KATNIP: variants seen among roughly 807,000 people sequenced by gnomAD.
KATNIP encodes the protein katanin-interacting protein.
A neutral mutation model predicts 174.0 loss-of-function variants in KATNIP; 126 were observed. That is an observed-to-expected ratio of 0.72 (90% CI 0.63 to 0.84). The LOEUF is 0.84. KATNIP is among the 40% of genes least tolerant of loss of function. The pLI, the probability that KATNIP is intolerant of heterozygous loss-of-function variation, is 0.00. For missense variants in KATNIP, 1,958 were observed against 2,109.7 expected (o/e 0.93, Z 1.41); for synonymous variants, 810 against 835.7 (o/e 0.97, Z 0.53).
intron 14 of KATNIP, among the ~76,000 whole-genome samples, chr16:27,733,564 GACACACACACACACACACACAC>G (rs10558929): frequency 7.0e-6 from 1 of 143,280 alleles, no homozygotes; most frequent in Non-Finnish European, 1.5e-5. Context: ...AAACAAGAAG[GACACACACACACACACACACAC>G]ACACACACAC....
intron 5 of KATNIP, among the ~76,000 whole-genome samples, chr16:27,643,892 TACCACC>T (rs551794784): frequency 6.6e-6 from 1 of 151,920 alleles, no homozygotes; most frequent in Non-Finnish European, 1.5e-5. Flanking sequence ...ATGCCCTAAT[TACCACC>T]ACCACCACCA....
In KATNIP at chr16:27,774,955, C is replaced by T; in HGVS notation, c.4320C>T (p.Ala1440=). 1 of 1,613,944 alleles carries T rather than the reference C, an allele frequency of 6.2e-7. No homozygotes were observed. The highest frequency in any genetic ancestry group is 8.5e-7 in the Non-Finnish European group (1 of 1,179,934). The change falls in exon 24 of 28, where the codon GCC becomes GCT. Residue 1440 remains alanine, a synonymous_variant. Transcript: ENST00000261588. The part of the protein sequence containing the change: ...KIPLSENNIA[A]FPDSVNSLEG... ...TAGACGTCTCCTCAGATATTGCGGC[C>T]TTCCCCGACAGCGTGAACTCCCTGG...
At chr16:27,650,301 G>A (rs2077082128) in intron 6 of KATNIP, among the ~76,000 whole-genome samples, 2 of 152,212 alleles carry the variant, frequency 1.3e-5, no homozygotes, top group Non-Finnish European at 1.5e-5. Context: ...GTGAACAAGG[G>A]GGATAAAGAA....
intron 16 of KATNIP, 80 bp from the exon 17 acceptor site, chr16:27,751,639 G>C (rs775902910): frequency 1.2e-4 from 159 of 1,325,348 alleles, no homozygotes; most frequent in Non-Finnish European, 1.7e-4. Context: ...GCACAGAAGT[G>C]GATGGGTTTA....
chr16:27,746,329 A>G (rs1267748172), intron 15 of KATNIP, among the ~76,000 whole-genome samples: 3 of 152,342 alleles, frequency 2.0e-5, no homozygotes, highest in Non-Finnish European at 2.9e-5. Context: ...ATCAAATCAC[A>G]TAAACTGAAG....
Position 27,766,484 on chromosome 16 carries a change from G to A in KATNIP, c.3975+10G>A. 6.2e-7 allele frequency: 1 copy of A among 1,608,708 alleles called. No homozygotes were observed. Among genetic ancestry groups the A allele is most frequent in the Non-Finnish European group, 8.5e-7 (1 of 1,179,198 alleles). ...GGACACCTATCGCGGGGTAAGCTGGGGAGCAGTGGCCGTGCTCAGTCCAGC... is the reference window on the plus strand; with the variant it reads ...GGACACCTATCGCGGGGTAAGCTGGAGAGCAGTGGCCGTGCTCAGTCCAGC... On this transcript the variant is annotated intron_variant, in intron 20 of 27. Transcript: ENST00000261588.
At chr16:27,593,612 G>T (rs2075250494) in intron 2 of KATNIP, among the ~76,000 whole-genome samples, 1 of 151,884 alleles carries the variant, frequency 6.6e-6, no homozygotes, top group Non-Finnish European at 1.5e-5. Context: ...ACTCACTGCA[G>T]CCTCGACCTC....
intron 12 of KATNIP, among the ~76,000 whole-genome samples, chr16:27,707,087 C>T (rs979858367): frequency 1.3e-5 from 2 of 152,182 alleles, no homozygotes; most frequent in Admixed American, 6.5e-5. Flanking sequence ...GCGTTCCCAC[C>T]GTGTGGCAAT....
At chr16:27,689,992 C>T (rs1567303441) in intron 8 of KATNIP, among the ~76,000 whole-genome samples, 3 of 152,080 alleles carry the variant, frequency 2.0e-5, no homozygotes, top group Non-Finnish European at 1.5e-5. Context: ...TTGCTAATGT[C>T]CTGTTAGCCA....
Position 27,776,834 on chromosome 16 carries a change from A to T in KATNIP, c.4450-94A>T. The T allele has an allele frequency of 1.2e-6, 1 of 858,266 alleles. No individual in the cohort carries two copies. Among genetic ancestry groups the T allele is most frequent in the Non-Finnish European group, 1.9e-6 (1 of 514,338 alleles). The allele number at this position is 858,266 out of a possible 1,614,324, so 53.2% of individuals were successfully genotyped here. ...CGTGGCAGGCGCTGCCTTGGGCACC[A>T]CCGCTCACCCCAGCCCACGCCTGGC... On this transcript the variant is annotated intron_variant, in intron 24 of 27. Transcript: ENST00000261588. The surrounding 1 kb of genome is among the most constrained non-coding windows in gnomAD (Gnocchi z 4.7).
Position 27,552,781 on chromosome 16 carries a change from G to A in KATNIP, c.7+2604G>A, listed in dbSNP as rs373209918. ...CTGATCTCGGCTCACCGCAACCTCC[G>A]CCTCCCGGGTTCAAGCGATTCTCCT... is the stretch of plus-strand genomic sequence containing the variant. On this transcript the variant is annotated intron_variant, in intron 1 of 27. Transcript: ENST00000261588. Among the ~76,000 whole-genome samples the A allele has an allele frequency of 1.4e-4, 20 of 139,250 alleles. No individual in the cohort carries two copies. In the East Asian group the frequency reaches 1.6e-3, roughly 11 times the overall value. The allele number at this position is 139,250 out of a possible 152,430, so 91.4% of individuals were successfully genotyped here.
At chr16:27,690,359 TAGATGATAGATA>T (rs1567304033) in intron 8 of KATNIP, among the ~76,000 whole-genome samples, 3 of 106,868 alleles carry the variant, frequency 2.8e-5, no homozygotes, top group Non-Finnish European at 6.3e-5. Flanking sequence ...GATAGATAGA[TAGATGATAGATA>T]GATAGATAGA....
chr16:27,620,111 G>C (rs1373628994), intron 3 of KATNIP, among the ~76,000 whole-genome samples: 1 of 152,174 alleles, frequency 6.6e-6, no homozygotes, highest in African/African-American at 2.4e-5. Flanking sequence ...CTGGCCAATA[G>C]TATAAATGAG....
At chr16:27,626,415 G>A (rs1245222399) in intron 3 of KATNIP, among the ~76,000 whole-genome samples, 1 of 152,118 alleles carries the variant, frequency 6.6e-6, no homozygotes, top group Non-Finnish European at 1.5e-5. Context: ...CAAACATATG[G>A]CATTTTCTAT....
intron 6 of KATNIP, among the ~76,000 whole-genome samples, chr16:27,652,914 A>G (rs954349147): frequency 6.6e-6 from 1 of 152,186 alleles, no homozygotes; most frequent in Non-Finnish European, 1.5e-5. Flanking sequence ...CATAATTGAT[A>G]TAAAAAATTC....
chr16:27,672,884 A>T (rs2077971620), intron 6 of KATNIP, among the ~76,000 whole-genome samples: 1 of 152,156 alleles, frequency 6.6e-6, no homozygotes, highest in Admixed American at 6.5e-5. Context: ...GCCTCATCCA[A>T]ATCCTTCCTG....
chr16:27,672,149 C>G (rs1046935019), intron 6 of KATNIP, among the ~76,000 whole-genome samples: 3 of 152,150 alleles, frequency 2.0e-5, no homozygotes, highest in African/African-American at 7.2e-5. Context: ...GGGCATAGAA[C>G]AAAATCCACA....
intron 10 of KATNIP, among the ~76,000 whole-genome samples, chr16:27,700,662 G>A (rs1471316141): frequency 6.6e-6 from 1 of 152,346 alleles, no homozygotes; most frequent in Admixed American, 6.5e-5. Context: ...GGCATTCCAG[G>A]TGGAAGGAAC....
At chr16:27,598,308 C>T (rs2075405481) in intron 2 of KATNIP, among the ~76,000 whole-genome samples, 1 of 152,084 alleles carries the variant, frequency 6.6e-6, no homozygotes, top group South Asian at 2.1e-4. Context: ...ACCAGACTCT[C>T]CCAATCCCCT....
Sources: allele counts gnomAD v4.1 joint callset (sites outside exome capture counted in the v4.1 genomes callset), GRCh38; gene constraint gnomAD v4.1.1; non-coding constraint Gnocchi (gnomAD v3.1); transcripts MANE v1.5; gene names NCBI Gene and HGNC (gene_info 2026-07-23, HGNC 2026-07-21).